CDH18: variants seen among roughly 807,000 people sequenced by gnomAD.
The protein encoded by CDH18 is cadherin-18.
In CDH18, 31 loss-of-function variants were observed where a neutral mutation model predicts 67.9. The ratio of observed to expected loss-of-function variants is 0.46; its 90% confidence interval spans 0.34 to 0.62. The LOEUF (loss-of-function observed/expected upper bound fraction) is 0.62, where lower values mean the gene tolerates loss of function less well. Ranked by LOEUF, CDH18 falls within the 20% of genes least tolerant of loss-of-function variation. CDH18 has a pLI of 0.01. For synonymous variants in CDH18, 362 were observed against 347.2 expected, an observed-to-expected ratio of 1.04 and a Z score of -0.48; for missense variants, 890 against 975.5, an observed-to-expected ratio of 0.91 and a Z score of 1.17.
chr5:19,883,630 G>T (rs943684882), intron 2 of CDH18, among the ~76,000 whole-genome samples: 7 of 152,002 alleles, frequency 4.6e-5, no homozygotes, highest in Admixed American at 2.0e-4. Context: ...TCAGTATCAT[G>T]TCTTAAATGC....
chr5:19,475,140 C>T (rs1355050404), intron 12 of CDH18, among the ~76,000 whole-genome samples: 1 of 150,982 alleles, frequency 6.6e-6, no homozygotes, highest in African/African-American at 2.4e-5. Flanking sequence ...ATTTAGCAAA[C>T]AAAAATAAAT....
chr5:20,304,498 G>A (rs1263598701), intron 1 of CDH18: 3 of 1,596,092 alleles, frequency 1.9e-6, no homozygotes, highest in South Asian at 2.2e-5. Flanking sequence ...ATGGTTTAGT[G>A]CGAAATGGTG....
chr5:19,910,965 A>C (rs933897759), intron 2 of CDH18, among the ~76,000 whole-genome samples: 1 of 152,162 alleles, frequency 6.6e-6, no homozygotes, highest in African/African-American at 2.4e-5. Context: ...TGATGTGTTA[A>C]AGCTAAGTAG....
chr5:20,140,275 A>G (rs1458041656), intron 2 of CDH18, among the ~76,000 whole-genome samples: 1 of 152,124 alleles, frequency 6.6e-6, no homozygotes, highest in African/African-American at 2.4e-5. Context: ...CAATGAGAAC[A>G]CTTGGACACA....
At chr5:19,607,381 A>G (rs2150089277) in intron 6 of CDH18, among the ~76,000 whole-genome samples, 1 of 151,596 alleles carries the variant, frequency 6.6e-6, no homozygotes, top group African/African-American at 2.4e-5. Flanking sequence ...CAAAGGGTTA[A>G]TGACATTAAA....
intron 1 of CDH18, among the ~76,000 whole-genome samples, chr5:20,375,886 G>A (rs1743374677): frequency 6.6e-6 from 1 of 151,848 alleles, no homozygotes; most frequent in South Asian, 2.1e-4. Flanking sequence ...TTAGTATAGT[G>A]TGGAAATATC....
intron 6 of CDH18, among the ~76,000 whole-genome samples, chr5:19,600,190 G>A (rs935444054): frequency 3.4e-5 from 5 of 145,660 alleles, no homozygotes; most frequent in East Asian, 2.1e-4. Context: ...ATCACACACC[G>A]GGGCCTGTCG....
chr5:20,000,645 A>T (rs1736370734), intron 2 of CDH18, among the ~76,000 whole-genome samples: 1 of 152,202 alleles, frequency 6.6e-6, no homozygotes, highest in Non-Finnish European at 1.5e-5. Context: ...GGGAGACAGA[A>T]TTTTATGAGT....
chr5:19,897,700 T>G (rs1477435546), intron 2 of CDH18, among the ~76,000 whole-genome samples: 1 of 152,080 alleles, frequency 6.6e-6, no homozygotes, highest in East Asian at 1.9e-4. Flanking sequence ...TAAATACTCC[T>G]GTATTCATAC....
chr5:20,327,050 A>T lies in CDH18; in HGVS notation c.-579-71545T>A, dbSNP rs533268128. 4.6e-5 allele frequency among the ~76,000 whole-genome samples: 7 copies of T among 152,314 alleles called. No individual in the cohort carries two copies. The South Asian group carries it at 1.4e-3, about 32-fold the overall frequency. On this transcript the variant is annotated intron_variant, in intron 1 of 14. Transcript: ENST00000507958. ...TACGATTGATATTCTATTTGCAGAT[A>T]TGTAGCTATAATTACTTTTTAAATT...
intron 5 of CDH18, among the ~76,000 whole-genome samples, chr5:19,617,846 C>T (rs976437774): frequency 6.6e-6 from 1 of 152,166 alleles, no homozygotes; most frequent in African/African-American, 2.4e-5. Flanking sequence ...TACACAAGTT[C>T]ATAACATTGA....
chr5:20,018,538 C>T (rs1008818738), intron 2 of CDH18, among the ~76,000 whole-genome samples: 1 of 152,064 alleles, frequency 6.6e-6, no homozygotes, highest in African/African-American at 2.4e-5. Flanking sequence ...GTATTCTAAA[C>T]AATCTTTGAT....
intron 5 of CDH18, among the ~76,000 whole-genome samples, chr5:19,697,156 G>T (rs1285976350): frequency 6.6e-6 from 1 of 152,152 alleles, no homozygotes; most frequent in Non-Finnish European, 1.5e-5. Flanking sequence ...AAAATATCTA[G>T]AGAAGTGGAA....
chr5:20,076,866 A>G (rs944200997), intron 2 of CDH18, among the ~76,000 whole-genome samples: 1 of 151,534 alleles, frequency 6.6e-6, no homozygotes, highest in African/African-American at 2.5e-5. Flanking sequence ...TATGAACAAT[A>G]TAAAGAGATT....
At chr5:20,279,699 CAAAAAAA>C (rs1189257278) in intron 1 of CDH18, among the ~76,000 whole-genome samples, 11 of 13,592 alleles carry the variant, frequency 8.1e-4, no homozygotes, top group East Asian at 3.1e-3. Context: ...AGCTCTGTCT[CAAAAAAA>C]AAAAAAAAAA....
intron 2 of CDH18, among the ~76,000 whole-genome samples, chr5:20,145,330 A>G (rs1750558840): frequency 1.3e-5 from 2 of 152,198 alleles, no homozygotes; most frequent in African/African-American, 4.8e-5. Flanking sequence ...CAGAATTGCA[A>G]TTGAAATGAA....
chr5:19,714,806 T>C (rs1765148335), intron 5 of CDH18, among the ~76,000 whole-genome samples: 1 of 151,978 alleles, frequency 6.6e-6, no homozygotes, highest in Non-Finnish European at 1.5e-5. Flanking sequence ...TATACTTTAT[T>C]TTGCTTAAAA....
chr5:20,501,546 T>TTATATATATAATATATATATATAATA lies in CDH18; in HGVS notation c.-580+73890_-580+73915dup, dbSNP rs1384304692. Reference sequence around the variant, plus strand: ...ACATATTATATATATTATATACATATTATATATATAATATATATATATAAT... The same window carrying TTATATATATAATATATATATATAATA: ...ACATATTATATATATTATATACATATTATATATATAATATATATATATAATATATATATATAATATATATATATAAT... On this transcript the variant is annotated intron_variant, in intron 1 of 14. Transcript: ENST00000507958. Among the ~76,000 whole-genome samples, 11 of 23,126 alleles carry TTATATATATAATATATATATATAATA rather than the reference T, an allele frequency of 4.8e-4. No homozygotes were observed. The Middle Eastern group carries it at 0.047, about 99-fold the overall frequency. 15.2% of individuals were successfully genotyped at this position (23,126 alleles called of 152,430 possible). A position where few individuals can be genotyped will look rare whatever the true frequency, so the allele number is the denominator to read the frequency against.
intron 2 of CDH18, among the ~76,000 whole-genome samples, chr5:20,086,483 A>T (rs968678555): frequency 6.6e-6 from 1 of 152,206 alleles, no homozygotes; most frequent in African/African-American, 2.4e-5. Context: ...AGAAGATTCT[A>T]TCTAGGAGTT....
Sources: gnomAD v4.1 joint callset for allele counts (sites outside exome capture counted in the v4.1 genomes callset) on GRCh38, gnomAD v4.1.1 for gene constraint, MANE v1.5 for transcripts, NCBI Gene and HGNC (gene_info 2026-07-23, HGNC 2026-07-21) for gene names.